Variants in PGCKA1 observed in about 807,000 individuals in gnomAD.
PGCKA1 encodes the protein PDCD10 and GCKIII kinases associated 1, also known as PDCD10 and GCKIII kinases-associated protein 1.
the PGCKA1 span, among the ~76,000 whole-genome samples, chr4:37,587,189 G>A: frequency 5.3e-5 from 8 of 152,028 alleles, no homozygotes; most frequent in African/African-American, 1.4e-4. Flanking sequence ...ATAATCAAAT[G>A]TCCCTCCACC....
At chr4:37,513,418 G>A in the PGCKA1 span, among the ~76,000 whole-genome samples, 1 of 152,212 alleles carries the variant, frequency 6.6e-6, no homozygotes, top group African/African-American at 2.4e-5. Context: ...TTAGTTTCTA[G>A]TGAGGATTCT....
the PGCKA1 span, among the ~76,000 whole-genome samples, chr4:37,466,508 A>G: frequency 6.8e-6 from 1 of 146,022 alleles, no homozygotes; most frequent in Admixed American, 6.8e-5. Context: ...CTGAGGAGTA[A>G]TAAGATTTGC....
chr4:37,573,670 G>T, the PGCKA1 span, among the ~76,000 whole-genome samples: 2 of 152,148 alleles, frequency 1.3e-5, no homozygotes, highest in Non-Finnish European at 2.9e-5. Flanking sequence ...CCATATTTAA[G>T]AGCTACCTTA....
chr4:37,571,918 C>T, the PGCKA1 span, among the ~76,000 whole-genome samples: 2 of 151,904 alleles, frequency 1.3e-5, no homozygotes, highest in African/African-American at 4.8e-5. Context: ...TGACGTGAGC[C>T]GCCACACACA....
the PGCKA1 span, among the ~76,000 whole-genome samples, chr4:37,527,144 A>G: frequency 0.082 from 12,439 of 152,222 alleles, 653 homozygotes; most frequent in Middle Eastern, 0.14. Context: ...ATAAGACTAT[A>G]AAGAAAGAAA....
chr4:37,483,457 C>T, the PGCKA1 span, among the ~76,000 whole-genome samples: 1 of 152,168 alleles, frequency 6.6e-6, no homozygotes, highest in Non-Finnish European at 1.5e-5. Flanking sequence ...CCACACCCTA[C>T]ACCACAGGCA....
chr4:37,530,836 CG>C, the PGCKA1 span, among the ~76,000 whole-genome samples: 1 of 151,832 alleles, frequency 6.6e-6, no homozygotes, highest in Admixed American at 6.6e-5. Flanking sequence ...AAAAATTAGC[CG>C]GGTGTGGTGT....
chr4:37,552,996 C>T, the PGCKA1 span, among the ~76,000 whole-genome samples: 4 of 152,202 alleles, frequency 2.6e-5, no homozygotes, highest in Admixed American at 1.3e-4. Context: ...AAACTGTCCT[C>T]TCCGCCTAAT....
At chr4:37,494,741 A>C in the PGCKA1 span, among the ~76,000 whole-genome samples, 13 of 152,176 alleles carry the variant, frequency 8.5e-5, no homozygotes. Context: ...CACTCCTATC[A>C]ACAGTGTATA....
the PGCKA1 span, chr4:37,588,860 C>T: frequency 3.7e-6 from 6 of 1,612,158 alleles, no homozygotes; most frequent in African/African-American, 2.7e-5. Flanking sequence ...TAACAGAAAA[C>T]AATCCAGATG....
chr4:37,494,731 C>T, the PGCKA1 span, among the ~76,000 whole-genome samples: 31 of 152,316 alleles, frequency 2.0e-4, no homozygotes, highest in African/African-American at 7.2e-4. Flanking sequence ...AACTAATTTA[C>T]ACTCCTATCA....
chr4:37,542,326 CAGG>C, the PGCKA1 span, among the ~76,000 whole-genome samples: 1 of 152,200 alleles, frequency 6.6e-6, no homozygotes, highest in Non-Finnish European at 1.5e-5. Context: ...CAAACCGTAT[CAGG>C]AGAAGAAATA....
At chr4:37,486,266 C>T in the PGCKA1 span, among the ~76,000 whole-genome samples, 2 of 152,108 alleles carry the variant, frequency 1.3e-5, no homozygotes, top group Admixed American at 6.6e-5. Flanking sequence ...GATCTCTTCT[C>T]ACATGTGAGA....
chr4:37,485,202 C>T, the PGCKA1 span, among the ~76,000 whole-genome samples: 1 of 152,072 alleles, frequency 6.6e-6, no homozygotes, highest in Non-Finnish European at 1.5e-5. Context: ...TGCTTGTTTT[C>T]TGATCAGGTA....
the PGCKA1 span, among the ~76,000 whole-genome samples, chr4:37,514,893 C>T: frequency 6.6e-6 from 1 of 152,186 alleles, no homozygotes; most frequent in Non-Finnish European, 1.5e-5. Flanking sequence ...GGCTGTGGGT[C>T]AAGGTCCTCT....
At chr4:37,536,892 C>T in the PGCKA1 span, among the ~76,000 whole-genome samples, 3 of 152,148 alleles carry the variant, frequency 2.0e-5, no homozygotes, top group African/African-American at 7.2e-5. Context: ...ATTTAGGGGA[C>T]GACAACTTAA....
chr4:37,583,102 G>A, the PGCKA1 span, among the ~76,000 whole-genome samples: 1 of 152,168 alleles, frequency 6.6e-6, no homozygotes, highest in East Asian at 1.9e-4. Context: ...TACAAATGCT[G>A]TAGATTAGTA....
At chr4:37,584,627 G>A in the PGCKA1 span, among the ~76,000 whole-genome samples, 14 of 152,130 alleles carry the variant, frequency 9.2e-5, no homozygotes, top group African/African-American at 3.1e-4. Flanking sequence ...TTTCGAGTAC[G>A]GCTGTTAAAT....
chr4:37,479,877 T>G, the PGCKA1 span, among the ~76,000 whole-genome samples: 2 of 152,208 alleles, frequency 1.3e-5, no homozygotes, highest in African/African-American at 4.8e-5. Context: ...GAGAACTCAC[T>G]GGAAGGCATC....
Sources: allele counts gnomAD v4.1 joint callset (sites outside exome capture counted in the v4.1 genomes callset), GRCh38; gene constraint gnomAD v4.1.1; transcripts MANE v1.5; gene names NCBI Gene and HGNC (gene_info 2026-07-23, HGNC 2026-07-21).